Variants in PALLD observed in about 807,000 individuals in gnomAD.
The protein encoded by PALLD is palladin.
A neutral mutation model predicts 123.5 loss-of-function variants in PALLD; 61 were observed. The observed-to-expected ratio is 0.49, with a 90% CI of 0.40 to 0.61. PALLD has a LOEUF of 0.61. Among genes scored for constraint, PALLD ranks in the 20% least tolerant of loss-of-function variants. PALLD has a pLI of 0.00. For missense variants in PALLD, 1,273 were observed against 1,377.0 expected, an observed-to-expected ratio of 0.92 and a Z score of 1.20; for synonymous variants, 465 against 496.4, an observed-to-expected ratio of 0.94 and a Z score of 0.84.
chr4:168,629,002 T>C (rs1775562871), intron 2 of PALLD, among the ~76,000 whole-genome samples: 1 of 152,064 alleles, frequency 6.6e-6, no homozygotes, highest in Non-Finnish European at 1.5e-5. Flanking sequence ...GCCCAGTTAT[T>C]GTTCTGCCTA....
chr4:168,787,632 A>C (rs1418269152), intron 10 of PALLD, among the ~76,000 whole-genome samples: 2 of 152,266 alleles, frequency 1.3e-5, no homozygotes, highest in Non-Finnish European at 2.9e-5. Flanking sequence ...ATGTCATCAC[A>C]GAAAGTTCTC....
chr4:168,585,670 G>A (rs1261671331), intron 2 of PALLD, among the ~76,000 whole-genome samples: 1 of 152,152 alleles, frequency 6.6e-6, no homozygotes, highest in African/African-American at 2.4e-5. Flanking sequence ...AGGACAGTAT[G>A]AGGAGCAGCC....
chr4:168,824,749 C>T (rs1046205153), intron 10 of PALLD, among the ~76,000 whole-genome samples: 1 of 149,492 alleles, frequency 6.7e-6, no homozygotes, highest in Non-Finnish European at 1.5e-5. Context: ...GGGCCTGTAA[C>T]AGGCAATATC....
chr4:168,650,188 GAAAAAA>G (rs1276622743), intron 2 of PALLD, among the ~76,000 whole-genome samples: 6 of 151,106 alleles, frequency 4.0e-5, no homozygotes, highest in African/African-American at 1.5e-4. Context: ...GAAAAGAAAA[GAAAAAA>G]AAGAAAAAGA....
intron 2 of PALLD, among the ~76,000 whole-genome samples, chr4:168,539,785 A>T (rs1165698993): frequency 2.0e-5 from 3 of 151,918 alleles, no homozygotes; most frequent in Admixed American, 6.6e-5. Flanking sequence ...TATAATTCAG[A>T]TTTATTATAC....
At position 168,512,214 on chromosome 4, in the gene PALLD, C is replaced by G. The variant is rs375729725; in HGVS notation, c.710C>G (p.Pro237Arg). The change falls in exon 2 of 22, where the codon CCT (proline) becomes CGT (arginine). Residue 237 changes from proline (P) to arginine (R), a missense_variant. This residue lies in a region of PALLD where 944 missense variants were observed against 954.5 expected (regional missense o/e 0.99). Transcript: ENST00000505667. ...QGEMEREVKS[P>R]GARHCYQDNQ... ...GAGATGGAAAGAGAGGTCAAGTCCC[C>G]TGGGGCCAGGCATTGCTACCAGGAC... is the stretch of plus-strand genomic sequence containing the variant. 1.2e-6 allele frequency: 2 copies of G among 1,613,806 alleles called. No homozygotes were observed. The highest frequency in any genetic ancestry group is 1.3e-5 in the African/African-American group (1 of 75,016).
At chr4:168,913,290 C>T (rs909336571) in intron 15 of PALLD, among the ~76,000 whole-genome samples, 5 of 152,054 alleles carry the variant, frequency 3.3e-5, no homozygotes, top group African/African-American at 1.2e-4. Context: ...GTGCATGCCA[C>T]CACGCCCGGC....
intron 2 of PALLD, among the ~76,000 whole-genome samples, chr4:168,640,983 C>T (rs1006440768): frequency 2.6e-5 from 4 of 152,004 alleles, no homozygotes; most frequent in South Asian, 2.1e-4. Context: ...TCGAGGTGGG[C>T]GGATCATGAG....
chr4:168,859,970 A>G (rs1290659841), intron 10 of PALLD, among the ~76,000 whole-genome samples: 1 of 152,226 alleles, frequency 6.6e-6, no homozygotes, highest in Admixed American at 6.5e-5. Flanking sequence ...TAAATTTTTT[A>G]AATCTGCTGT....
chr4:168,536,593 C>G, intron 2 of PALLD: 1 of 151,126 alleles, frequency 6.6e-6, no homozygotes, highest in Admixed American at 6.6e-5. Context: ...TTCCACACAA[C>G]GCAGCACAAG....
intron 15 of PALLD, among the ~76,000 whole-genome samples, chr4:168,906,566 T>C (rs1205571951): frequency 6.6e-6 from 1 of 152,168 alleles, no homozygotes; most frequent in Non-Finnish European, 1.5e-5. Context: ...ACATATAATA[T>C]CACATTGTAC....
chr4:168,557,032 T>TTTTTGGTTTGTTTTGTTTTG (rs1767387683), intron 2 of PALLD, among the ~76,000 whole-genome samples: 1 of 150,530 alleles, frequency 6.6e-6, no homozygotes. Flanking sequence ...TTTCCACTTG[T>TTTTTGGTTTGTTTTGTTTTG]TTTTGTTTTG....
At chr4:168,779,125 C>T (rs1735557788) in intron 10 of PALLD, among the ~76,000 whole-genome samples, 1 of 152,148 alleles carries the variant, frequency 6.6e-6, no homozygotes, top group Non-Finnish European at 1.5e-5. Flanking sequence ...CAGAATATAT[C>T]TTCACTTCCT....
rs144384421 is a variant in PALLD, at chr4:168,859,041, A to C, written c.1965-31881A>C. Among the ~76,000 whole-genome samples the C allele has an allele frequency of 1.7e-4, 26 of 152,272 alleles. 1 individual carries two copies. Among genetic ancestry groups the C allele is most frequent in the African/African-American group, 6.0e-4 (25 of 41,552 alleles). On this transcript the variant is annotated intron_variant, in intron 10 of 21. Transcript: ENST00000505667. ...AAATGTATTTATAAACTGGAGAAAAATTTGTAGCATTTAAACATAAAACCT... is the reference window on the plus strand; with the variant it reads ...AAATGTATTTATAAACTGGAGAAAACTTTGTAGCATTTAAACATAAAACCT...
intron 10 of PALLD, among the ~76,000 whole-genome samples, chr4:168,889,330 A>C (rs536532972): frequency 6.6e-6 from 1 of 151,284 alleles, no homozygotes; most frequent in African/African-American, 2.4e-5. Flanking sequence ...CACCCAGCTA[A>C]TTTTTGTATT....
At chr4:168,524,152 A>G (rs543707680) in intron 2 of PALLD, among the ~76,000 whole-genome samples, 1 of 152,310 alleles carries the variant, frequency 6.6e-6, no homozygotes, top group African/African-American at 2.4e-5. Context: ...TACTTAAACA[A>G]CAGCTGTCAG....
chr4:168,621,901 G>A lies in PALLD; in HGVS notation c.909-46289G>A, dbSNP rs553918916. Among the ~76,000 whole-genome samples the A allele has an allele frequency of 2.7e-3, 409 of 152,246 alleles. 1 individual carries two copies. The highest frequency in any genetic ancestry group is 4.8e-3 in the Non-Finnish European group (326 of 68,016). ...CCGTAAAAGTCCTTTGCACACAAAA[G>A]ACCTGATTCTTCAGGTCTGCGAACA... On this transcript the variant is annotated intron_variant, in intron 2 of 21. Transcript: ENST00000505667.
At chr4:168,547,411 C>T (rs1215464316) in intron 2 of PALLD, among the ~76,000 whole-genome samples, 1 of 151,834 alleles carries the variant, frequency 6.6e-6, no homozygotes, top group Non-Finnish European at 1.5e-5. Flanking sequence ...GTGGAGCCCT[C>T]TGGGGTAACT....
At chr4:168,548,891 T>C (rs1766440935) in intron 2 of PALLD, among the ~76,000 whole-genome samples, 1 of 152,242 alleles carries the variant, frequency 6.6e-6, no homozygotes, top group Admixed American at 6.5e-5. Context: ...CTCATACTTG[T>C]AATCACAATA....
Sources: allele counts gnomAD v4.1 joint callset (sites outside exome capture counted in the v4.1 genomes callset), GRCh38; gene constraint gnomAD v4.1.1; regional missense constraint gnomAD v4.1.1; transcripts MANE v1.5; gene names NCBI Gene and HGNC (gene_info 2026-07-23, HGNC 2026-07-21).